Variants in MORN1 observed in about 807,000 individuals in gnomAD.
The protein encoded by MORN1 is MORN repeat-containing protein 1.
A neutral mutation model predicts 61.9 loss-of-function variants in MORN1; 67 were observed. That is an observed-to-expected ratio of 1.08 (90% CI 0.89 to 1.33). MORN1 has a LOEUF of 1.33. Among genes scored for constraint, MORN1 ranks in the 40% most tolerant of loss-of-function variants. MORN1 has a pLI of 0.00. For synonymous variants in MORN1, 301 were observed against 292.0 expected, an observed-to-expected ratio of 1.03 and a Z score of -0.31; for missense variants, 752 against 691.2, an observed-to-expected ratio of 1.09 and a Z score of -0.99.
At chr1:2,339,955 T>A (rs1166117314) in intron 10 of MORN1, among the ~76,000 whole-genome samples, 1 of 152,256 alleles carries the variant, frequency 6.6e-6, no homozygotes, top group African/African-American at 2.4e-5. Flanking sequence ...GGGCACCCTC[T>A]GTGCAGACAC....
chr1:2,336,879 A>G lies in MORN1; in HGVS notation c.1037-29T>C, dbSNP rs751304232. 8 of 1,527,720 alleles carry G rather than the reference A, an allele frequency of 5.2e-6. No individual in the cohort carries two copies. The East Asian group carries it at 1.6e-4, about 31-fold the overall frequency. 94.6% of individuals were successfully genotyped at this position (1,527,720 alleles called of 1,614,324 possible). On this transcript the variant is annotated intron_variant, in intron 10 of 13. Coordinates refer to ENST00000378531, the MANE Select transcript of MORN1 (RefSeq NM_024848.3). Reference sequence around the variant, plus strand: ...AGGAGACAGAATGAAGAAAGACCCTATGAGGGGCTCAGGGCGGAGACGGAG... The same window carrying G: ...AGGAGACAGAATGAAGAAAGACCCTGTGAGGGGCTCAGGGCGGAGACGGAG...
intron 10 of MORN1, among the ~76,000 whole-genome samples, chr1:2,342,468 A>G (rs969845309): frequency 6.6e-6 from 1 of 152,216 alleles, no homozygotes; most frequent in East Asian, 1.9e-4. Context: ...TTTGGAGGTG[A>G]CCAGACACAG....
At position 2,334,378 on chromosome 1, in the gene MORN1, G is replaced by T. The variant is rs1196158676; in HGVS notation, c.1250+2091C>A. On this transcript the variant is annotated intron_variant, in intron 12 of 13. Coordinates refer to ENST00000378531, the MANE Select transcript of MORN1 (RefSeq NM_024848.3). The surrounding 1 kb of genome is among the most constrained non-coding windows in gnomAD (Gnocchi z 5.4). The stretch of plus-strand genomic sequence containing the variant: ...CCGCCCCATGATCCATGGCGGAGAG[G>T]CCTGCAAGTGTGCAGCCCTTCACCT... Among the ~76,000 whole-genome samples the T allele has an allele frequency of 6.6e-6, 1 of 152,194 alleles. No homozygotes were observed. Among genetic ancestry groups the T allele is most frequent in the Non-Finnish European group, 1.5e-5 (1 of 68,026 alleles).
intron 13 of MORN1, among the ~76,000 whole-genome samples, 162 bp from the exon 14 acceptor site, chr1:2,321,741 T>C (rs762591023): frequency 6.6e-6 from 1 of 152,156 alleles, no homozygotes; most frequent in African/African-American, 2.4e-5. Flanking sequence ...ACCACAGGAC[T>C]GGCCACCGGA....
chr1:2,367,287 A>AGATAATTC (rs1642016541), intron 8 of MORN1, among the ~76,000 whole-genome samples: 1 of 148,266 alleles, frequency 6.7e-6, no homozygotes, highest in Non-Finnish European at 1.5e-5. Flanking sequence ...CTGAAGGACA[A>AGATAATTC]GATAATTCAT....
intron 8 of MORN1, among the ~76,000 whole-genome samples, chr1:2,367,874 C>T (rs1321620486): frequency 6.6e-6 from 1 of 152,172 alleles, no homozygotes. Flanking sequence ...GGTGATCCAC[C>T]TGCCTTGGCC....
chr1:2,339,089 A>G (rs1641341544), intron 10 of MORN1, among the ~76,000 whole-genome samples: 1 of 152,118 alleles, frequency 6.6e-6, no homozygotes, highest in South Asian at 2.1e-4. Context: ...GTCCCTGTCC[A>G]AGAGTGAAGA....
intron 13 of MORN1, chr1:2,323,705 C>G (rs553600438): frequency 1.0e-6 from 1 of 985,360 alleles, no homozygotes; most frequent in South Asian, 4.7e-5. Context: ...CCCACCAAGC[C>G]CTGCAGCCGG....
At chr1:2,336,386 C>A in intron 12 of MORN1, 83 bp downstream of exon 12, 1 of 1,414,248 alleles carries the variant, frequency 7.1e-7, no homozygotes, top group Admixed American at 1.9e-5. Flanking sequence ...CTCCCCTGGG[C>A]CTTCCCCGTC....
intron 1 of MORN1, 64 bp downstream of exon 1, chr1:2,391,394 G>A (rs1409804608): frequency 1.6e-6 from 2 of 1,248,334 alleles, no homozygotes; most frequent in African/African-American, 3.1e-5. Context: ...AGGGCGTAGA[G>A]CGATCGCACC....
rs1424924832 is a variant in MORN1, at chr1:2,334,555, TG to T, written c.1250+1913del. 6.6e-6 allele frequency among the ~76,000 whole-genome samples: 1 copy of T among 152,016 alleles called. No individual in the cohort carries two copies. The highest frequency in any genetic ancestry group is 1.5e-5 in the Non-Finnish European group (1 of 67,980). On this transcript the variant is annotated intron_variant, in intron 12 of 13. Transcript: ENST00000378531. This position sits in a 1 kb window ranked among gnomAD's most constrained non-coding sequence, Gnocchi z 5.4. ...TGGGGGAGCAGGCCTGGTTTTGGGC[TG>T]CCTGTCCCAACACGACGAGAGGGCC...
intron 8 of MORN1, among the ~76,000 whole-genome samples, chr1:2,366,619 G>C (rs1038162439): frequency 6.6e-6 from 1 of 152,136 alleles, no homozygotes; most frequent in Non-Finnish European, 1.5e-5. Flanking sequence ...CGCCTCCCAG[G>C]TTCAAGCAAT....
chr1:2,387,486 G>C lies in MORN1; in HGVS notation c.291C>G (p.Gly97=), dbSNP rs768450105. 8.7e-6 allele frequency: 14 copies of C among 1,613,378 alleles called. 1 individual carries two copies. Among genetic ancestry groups the C allele is most frequent in the Non-Finnish European group, 1.2e-5 (14 of 1,180,020 alleles). Residue 97 remains glycine, a synonymous_variant, in exon 4 of 14, where the codon GGC becomes GGG. Transcript: ENST00000378531. The stretch of plus-strand genomic sequence containing the variant: ...CGGCTTTGTACTCCATGACGCCGTA[G>C]CCTTGAGGCTCTCCCAGAACAAACT... The part of the protein sequence containing the change: ...SGQFVLGEPQ[G]YGVMEYKAGG...
chr1:2,379,156 C>G (rs1437779646), intron 6 of MORN1: 4 of 471,202 alleles, frequency 8.5e-6, no homozygotes, highest in Middle Eastern at 3.2e-4. Flanking sequence ...CTCACCAACC[C>G]TGAGCTCATG....
chr1:2,321,927 C>G, intron 13 of MORN1: 6 of 822,388 alleles, frequency 7.3e-6, no homozygotes, highest in Non-Finnish European at 8.8e-6. Flanking sequence ...GCTGACCTGG[C>G]TACAGGTCCC....
chr1:2,322,809 C>T, intron 13 of MORN1: 1 of 985,458 alleles, frequency 1.0e-6, no homozygotes, highest in Non-Finnish European at 1.2e-6. Flanking sequence ...AGGAGCCCGG[C>T]CACAGGCCCC....
intron 6 of MORN1, among the ~76,000 whole-genome samples, chr1:2,382,393 G>A (rs892971605): frequency 1.3e-5 from 2 of 152,188 alleles, no homozygotes; most frequent in African/African-American, 4.8e-5. Context: ...TGGGGATCAT[G>A]AGCCAATGCA....
intron 8 of MORN1, chr1:2,371,328 T>C (rs1451013480): frequency 1.3e-5 from 2 of 152,208 alleles, no homozygotes; most frequent in Non-Finnish European, 2.9e-5. Flanking sequence ...CCACTGTGCC[T>C]GACTGATAGT....
chr1:2,387,227 G>C, intron 4 of MORN1, 192 bp downstream of exon 4: 1 of 603,516 alleles, frequency 1.7e-6, no homozygotes, highest in Non-Finnish European at 3.0e-6. Context: ...GGACCCGCTG[G>C]GCATACTGGT....
Sources: gnomAD v4.1 joint callset for allele counts (sites outside exome capture counted in the v4.1 genomes callset) on GRCh38, gnomAD v4.1.1 for gene constraint, Gnocchi (gnomAD v3.1) non-coding constraint, MANE v1.5 for transcripts, NCBI Gene and HGNC (gene_info 2026-07-23, HGNC 2026-07-21) for gene names.